Variants in RIN2 observed in about 807,000 individuals in gnomAD.
RIN2 encodes the protein Ras and Rab interactor 2, also known as RAB5 interacting protein 2.
RIN2 carries 36 observed loss-of-function variants against 78.0 expected under a neutral mutation model. The observed-to-expected ratio is 0.46, with a 90% CI of 0.35 to 0.61. RIN2 has a LOEUF of 0.61. Among genes scored for constraint, RIN2 ranks in the 20% least tolerant of loss-of-function variants. The pLI is 0.00. For missense variants in RIN2, 1,087 were observed against 1,159.7 expected (o/e 0.94, Z 0.91); for synonymous variants, 466 against 466.8 (o/e 1.00, Z 0.02).
intron 3 of RIN2, among the ~76,000 whole-genome samples, chr20:19,925,406 G>A (rs1050021077): frequency 1.3e-5 from 2 of 152,178 alleles, no homozygotes; most frequent in African/African-American, 4.8e-5. Context: ...CTTCTTTCTA[G>A]GCAAGGGCCA....
chr20:19,774,077 A>AC (rs1469717719), intron 1 of RIN2, among the ~76,000 whole-genome samples: 1 of 152,092 alleles, frequency 6.6e-6, no homozygotes, highest in East Asian at 1.9e-4. Context: ...ATGGGCTGTC[A>AC]ACCAGCTACC....
intron 2 of RIN2, among the ~76,000 whole-genome samples, chr20:19,883,439 A>C (rs1331401454): frequency 1.3e-5 from 2 of 150,082 alleles, no homozygotes; most frequent in Non-Finnish European, 3.0e-5. Context: ...TCCTGGGCTC[A>C]GGCAATCCTC....
chr20:19,761,697 A>T (rs2033647722), intron 1 of RIN2, among the ~76,000 whole-genome samples: 1 of 152,120 alleles, frequency 6.6e-6, no homozygotes, highest in Non-Finnish European at 1.5e-5. Context: ...ATAATAATCC[A>T]CCCTTGTCAA....
At chr20:19,785,146 A>G (rs2034632957) in intron 1 of RIN2, among the ~76,000 whole-genome samples, 1 of 152,122 alleles carries the variant, frequency 6.6e-6, no homozygotes, top group Non-Finnish European at 1.5e-5. Flanking sequence ...CTCACTCACG[A>G]TCCAGTAAAG....
At chr20:19,861,346 C>A (rs1003558174) in intron 2 of RIN2, among the ~76,000 whole-genome samples, 1 of 152,190 alleles carries the variant, frequency 6.6e-6, no homozygotes, top group African/African-American at 2.4e-5. Flanking sequence ...TATGTTCCAC[C>A]ACAGCCCTTC....
chr20:19,831,608 A>G (rs901653075), intron 2 of RIN2, among the ~76,000 whole-genome samples: 1 of 152,226 alleles, frequency 6.6e-6, no homozygotes, highest in Non-Finnish European at 1.5e-5. Flanking sequence ...ACTGATTTCA[A>G]AGATAAAGTT....
chr20:19,781,144 G>A (rs1488238594), intron 1 of RIN2, among the ~76,000 whole-genome samples: 1 of 152,122 alleles, frequency 6.6e-6, no homozygotes, highest in African/African-American at 2.4e-5. Flanking sequence ...CTGGAGACAC[G>A]TGACCTCACT....
chr20:19,772,758 G>A (rs79467979), intron 1 of RIN2, among the ~76,000 whole-genome samples: 2,975 of 152,276 alleles, frequency 0.02, 49 homozygotes, highest in African/African-American at 0.042. Context: ...GCATGAAGTC[G>A]TTTTATGCTT....
chr20:19,931,796 A>G (rs905796674), intron 3 of RIN2, among the ~76,000 whole-genome samples: 4 of 145,286 alleles, frequency 2.8e-5, no homozygotes, highest in Non-Finnish European at 6.0e-5. Context: ...CTGGTTCATT[A>G]ATTTTTAACT....
Position 19,990,084 on chromosome 20 carries a change from T to G in RIN2, c.1841T>G (p.Phe614Cys), listed in dbSNP as rs2042745948. Residue 614 changes from phenylalanine to cysteine, a missense_variant, in exon 10 of 13, where the codon TTT becomes TGT. This residue lies in a region of RIN2 where 97 missense variants were observed against 104.8 expected (regional missense o/e 0.93). Coordinates refer to ENST00000255006, the MANE Select transcript of RIN2 (RefSeq NM_018993.4). The stretch of plus-strand genomic sequence containing the variant: ...CACGTGGAGGCCATGCTGAAGGACT[T>G]TCACATGGCCGATGGCTCATGGAAG... Reference protein sequence around the residue: ...KGHVEAMLKDFHMADGSWKQL... With the variant: ...KGHVEAMLKDCHMADGSWKQL... 1 of 1,599,148 alleles carries G rather than the reference T, an allele frequency of 6.3e-7. No individual in the cohort carries two copies. The highest frequency in any genetic ancestry group is 8.5e-7 in the Non-Finnish European group (1 of 1,172,840).
At chr20:19,838,279 C>T (rs1310737023) in intron 2 of RIN2, among the ~76,000 whole-genome samples, 1 of 148,318 alleles carries the variant, frequency 6.7e-6, no homozygotes, top group Non-Finnish European at 1.5e-5. Context: ...AGAGATATGG[C>T]CTGGTTAATT....
At chr20:19,954,728 G>A (rs2041466931) in intron 4 of RIN2, among the ~76,000 whole-genome samples, 2 of 151,660 alleles carry the variant, frequency 1.3e-5, no homozygotes, top group Admixed American at 1.3e-4. Flanking sequence ...CCTCACCCCT[G>A]TGCCCCTCAC....
intron 2 of RIN2, among the ~76,000 whole-genome samples, chr20:19,866,518 A>G (rs989226918): frequency 6.6e-6 from 1 of 152,206 alleles, no homozygotes; most frequent in African/African-American, 2.4e-5. Context: ...AACATTGCAT[A>G]CAAAATTCAC....
At chr20:19,996,294 A>G (rs1288931898) in intron 11 of RIN2, among the ~76,000 whole-genome samples, 1 of 152,166 alleles carries the variant, frequency 6.6e-6, no homozygotes, top group Admixed American at 6.5e-5. Context: ...AGCCTGGGTG[A>G]CAAAGCAAGA....
intron 3 of RIN2, among the ~76,000 whole-genome samples, chr20:19,899,389 A>C (rs2123607600): frequency 6.6e-6 from 1 of 152,338 alleles, no homozygotes; most frequent in South Asian, 2.1e-4. Context: ...AAAATCTTTC[A>C]AATGTCTTTA....
intron 1 of RIN2, among the ~76,000 whole-genome samples, chr20:19,796,970 A>C (rs952069316): frequency 1.3e-5 from 2 of 152,238 alleles, no homozygotes; most frequent in African/African-American, 4.8e-5. Context: ...GGCCAAATGC[A>C]GTGTAATGGG....
intron 1 of RIN2, among the ~76,000 whole-genome samples, chr20:19,761,300 A>G (rs935915280): frequency 2.0e-5 from 3 of 152,264 alleles, no homozygotes; most frequent in Non-Finnish European, 4.4e-5. Flanking sequence ...CAGTGTATGT[A>G]CAGAGCAGGA....
intron 7 of RIN2, among the ~76,000 whole-genome samples, chr20:19,970,132 T>C (rs2042060139): frequency 6.6e-6 from 1 of 152,242 alleles, no homozygotes; most frequent in African/African-American, 2.4e-5. Context: ...GTCTTAGACT[T>C]GCTTTCCTAT....
chr20:19,998,294 T>A (rs2043034985), intron 12 of RIN2, among the ~76,000 whole-genome samples: 1 of 150,904 alleles, frequency 6.6e-6, no homozygotes, highest in Non-Finnish European at 1.5e-5. Flanking sequence ...TTTTTTTTTT[T>A]ATAAGAGCTC....
Sources: gnomAD v4.1 joint callset for allele counts (sites outside exome capture counted in the v4.1 genomes callset) on GRCh38, gnomAD v4.1.1 for gene constraint, gnomAD v4.1.1 regional missense constraint, MANE v1.5 for transcripts, NCBI Gene and HGNC (gene_info 2026-07-23, HGNC 2026-07-21) for gene names.